Variants in ADGRE2 observed in about 807,000 individuals in gnomAD.
The protein encoded by ADGRE2 is CD97 antigen.
In ADGRE2, 83 loss-of-function variants were observed where a neutral mutation model predicts 100.8. The observed-to-expected ratio is 0.82, with a 90% CI of 0.69 to 0.99. ADGRE2 has a LOEUF of 0.99. ADGRE2 is among the 50% of genes least tolerant of loss of function. ADGRE2 has a pLI of 0.00. For synonymous variants in ADGRE2, 355 were observed against 413.0 expected, an observed-to-expected ratio of 0.86 and a Z score of 1.70; for missense variants, 814 against 1,035.7, an observed-to-expected ratio of 0.79 and a Z score of 2.94.
chr19:14,755,576 C>T, intron 13 of ADGRE2, 78 bp downstream of exon 13: 3 of 1,308,390 alleles, frequency 2.3e-6, no homozygotes, highest in Non-Finnish European at 1.1e-6. Flanking sequence ...GACCCCTGAG[C>T]CCCAGGGCTG....
Position 14,767,102 on chromosome 19 carries a change from G to A in ADGRE2, c.363C>T (p.Asp121=), listed in dbSNP as rs372675274. 997 of 1,601,330 alleles carry A rather than the reference G, an allele frequency of 6.2e-4. 13 individuals carry two copies. In the South Asian group the frequency reaches 0.01, roughly 17 times the overall value. ...AGAGCCTTGGGTTCTGCTGACATTC[G>A]TCCACATCTGCAAGAGGAAGGAGAG... ...NESENTCQDV[D]ECQQNPRLCK... The change falls in exon 6 of 21, where the codon GAC becomes GAT. Residue 121 remains aspartate (D), a synonymous_variant. Coordinates refer to ENST00000315576, the MANE Select transcript of ADGRE2 (RefSeq NM_013447.4).
rs754073720 is a variant in ADGRE2 at position 14,743,533 on chromosome 19, G to A, written c.2353-3C>T. 5.6e-6 allele frequency: 9 copies of A among 1,613,944 alleles called. No homozygotes were observed. The African/African-American group carries it at 1.2e-4, about 22-fold the overall frequency. ...CATTTCCCATATTGCTCCCGGACCTGCAGAGGCAAAGTGTGTACTGGGTCA... is the reference window on the plus strand; with the variant it reads ...CATTTCCCATATTGCTCCCGGACCTACAGAGGCAAAGTGTGTACTGGGTCA... On this transcript the variant is annotated splice_polypyrimidine_tract_variant and splice_region_variant and intron_variant, in intron 19 of 20. Transcript: ENST00000315576.
downstream of ADGRE2, chr19:14,731,103 G>A (rs114263461): frequency 4.2e-4 from 581 of 1,370,960 alleles, 2 homozygotes; most frequent in African/African-American, 7.6e-3. Context: ...CTCCCCCCAA[G>A]GATTGGCCCC....
At chr19:14,757,790 C>A (rs1235517515) in intron 11 of ADGRE2, among the ~76,000 whole-genome samples, 1 of 152,064 alleles carries the variant, frequency 6.6e-6, no homozygotes, top group Non-Finnish European at 1.5e-5. Context: ...GTCTTGGATG[C>A]GGTAATGAAT....
chr19:14,726,934 T>G, the ADGRE2 span, among the ~76,000 whole-genome samples: 1 of 152,154 alleles, frequency 6.6e-6, no homozygotes, highest in Admixed American at 6.6e-5. Flanking sequence ...CTAAAGCTGC[T>G]TTCACATTTT....
rs2044503049 is a variant in ADGRE2, at chr19:14,778,383, T to A, written c.-298A>T. On this transcript the variant is annotated 5_prime_UTR_variant, in exon 1 of 21. Transcript: ENST00000315576. ...AAGATGGTGCCACTGCACTCCAGCT[T>A]GGGTGATAGAGTGAGACCCTGTGTC... The A allele has an allele frequency of 2.1e-6, 1 of 467,504 alleles. No individual in the cohort carries two copies. The highest frequency in any genetic ancestry group is 2.8e-6 in the Non-Finnish European group (1 of 356,450). The allele number at this position is 467,504 out of a possible 1,614,324, so 29.0% of individuals were successfully genotyped here.
chr19:14,730,075 T>C (rs62122589), downstream of ADGRE2, among the ~76,000 whole-genome samples: 36,523 of 152,058 alleles, frequency 0.24, 4,473 homozygotes, highest in Non-Finnish European at 0.26. Flanking sequence ...TTTTTTGAGA[T>C]GGAGTCTCGC....
the ADGRE2 span, among the ~76,000 whole-genome samples, chr19:14,724,766 CA>C: frequency 6.6e-6 from 1 of 152,074 alleles, no homozygotes; most frequent in Non-Finnish European, 1.5e-5. Flanking sequence ...AATTTTGTCT[CA>C]AAAAGAAAAA....
At chr19:14,726,762 C>T in the ADGRE2 span, among the ~76,000 whole-genome samples, 481 of 152,276 alleles carry the variant, frequency 3.2e-3, 10 homozygotes, top group East Asian at 0.029. Flanking sequence ...CAGTAAGTTC[C>T]TCATCTGAGA....
At chr19:14,754,439 T>TTATC (rs58065037) in intron 14 of ADGRE2, among the ~76,000 whole-genome samples, 12,533 of 126,240 alleles carry the variant, frequency 0.099, 594 homozygotes, top group Non-Finnish European at 0.11. Context: ...CAGGCAGAAA[T>TTATC]TATCTATCTA....
intron 11 of ADGRE2, among the ~76,000 whole-genome samples, chr19:14,757,160 C>T (rs2043529081): frequency 6.6e-6 from 1 of 152,152 alleles, no homozygotes; most frequent in Non-Finnish European, 1.5e-5. Flanking sequence ...ACCTTGGTGG[C>T]CTCTGACAAT....
At chr19:14,741,903 G>T (rs898736233) in intron 20 of ADGRE2, 2 of 397,604 alleles carry the variant, frequency 5.0e-6, no homozygotes, top group South Asian at 2.7e-4. Flanking sequence ...AAATACAACA[G>T]AACTTTGTAT....
the ADGRE2 span, among the ~76,000 whole-genome samples, chr19:14,725,701 C>A: frequency 1.3e-5 from 2 of 152,362 alleles, no homozygotes; most frequent in South Asian, 4.1e-4. Flanking sequence ...GCTCCAAAAT[C>A]TCCTTTGACT....
chr19:14,726,400 G>A, the ADGRE2 span, among the ~76,000 whole-genome samples: 3 of 152,158 alleles, frequency 2.0e-5, no homozygotes, highest in Admixed American at 6.5e-5. Flanking sequence ...TTTTAGTCAC[G>A]TTAGTCTCTT....
chr19:14,737,891 C>T (rs913990948), intron 20 of ADGRE2, among the ~76,000 whole-genome samples: 3 of 151,270 alleles, frequency 2.0e-5, no homozygotes, highest in Non-Finnish European at 2.9e-5. Context: ...GCAGGAGAAT[C>T]GCTTGAATCT....
At chr19:14,759,102 A>T (rs1435936587) in intron 11 of ADGRE2, among the ~76,000 whole-genome samples, 1 of 152,070 alleles carries the variant, frequency 6.6e-6, no homozygotes, top group African/African-American at 2.4e-5. Context: ...ATCTTTTATT[A>T]TGCAAATGGA....
intron 16 of ADGRE2, among the ~76,000 whole-genome samples, chr19:14,748,721 G>A (rs1053752334): frequency 6.6e-6 from 1 of 152,128 alleles, no homozygotes; most frequent in African/African-American, 2.4e-5. Flanking sequence ...ACTTTTGGAG[G>A]ATTAGTGTTA....
At chr19:14,751,317 T>G (rs536007948) in intron 16 of ADGRE2, 119 bp downstream of exon 16, 133 of 695,446 alleles carry the variant, frequency 1.9e-4, no homozygotes, top group East Asian at 4.8e-4. Context: ...ATCCAACCAA[T>G]AGAGCCTAAA....
chr19:14,769,226 C>G (rs959828949), intron 5 of ADGRE2, among the ~76,000 whole-genome samples: 6 of 142,064 alleles, frequency 4.2e-5, no homozygotes, highest in Non-Finnish European at 7.7e-5. Context: ...ACCCCCCCCC[C>G]ATCTTTACTA....
Sources: allele counts gnomAD v4.1 joint callset (sites outside exome capture counted in the v4.1 genomes callset), GRCh38; gene constraint gnomAD v4.1.1; transcripts MANE v1.5; gene names NCBI Gene and HGNC (gene_info 2026-07-23, HGNC 2026-07-21).